NBEA: variants seen among roughly 807,000 people sequenced by gnomAD.
NBEA encodes lysosomal-trafficking regulator 2.
Under a neutral mutation model 343.4 loss-of-function variants are expected in NBEA, and 44 were observed. The ratio of observed to expected loss-of-function variants is 0.13; its 90% CI spans 0.10 to 0.16. The LOEUF (loss-of-function observed/expected upper bound fraction) is 0.16. Among genes scored for constraint, NBEA ranks in the 10% least tolerant of loss-of-function variants. NBEA has a pLI of 1.00. For synonymous variants in NBEA, 1,175 were observed against 1,238.7 expected (o/e 0.95, Z 1.08); for missense variants, 2,555 against 3,631.3 (o/e 0.70, Z 7.62).
intron 35 of NBEA, among the ~76,000 whole-genome samples, chr13:35,308,568 ATATATATGTATATATGTATATATG>A (rs6144999): frequency 5.7e-5 from 5 of 87,428 alleles, no homozygotes; most frequent in Admixed American, 1.4e-4. Context: ...GTATATATGT[ATATATATGTATATATGTATATATG>A]TATATATGTA....
intron 1 of NBEA, among the ~76,000 whole-genome samples, chr13:35,010,753 T>A (rs374659956): frequency 0.41 from 13,159 of 32,446 alleles, 2,603 homozygotes; most frequent in South Asian, 0.47. Context: ...TATATATATA[T>A]ATATATATAT....
chr13:35,349,551 A>C (rs967038115), intron 37 of NBEA, among the ~76,000 whole-genome samples: 2 of 152,164 alleles, frequency 1.3e-5, no homozygotes, highest in Non-Finnish European at 2.9e-5. Context: ...CAATAGGTAG[A>C]TATGAGTATA....
chr13:35,048,807 G>C, intron 5 of NBEA, 123 bp downstream of exon 5: 1 of 519,618 alleles, frequency 1.9e-6, no homozygotes, highest in Non-Finnish European at 3.3e-6. Context: ...TGCTAGAACT[G>C]TGAAGACACT....
At chr13:35,449,152 TAAGCCATGCTA>T (rs2152943210) in intron 39 of NBEA, among the ~76,000 whole-genome samples, 1 of 152,364 alleles carries the variant, frequency 6.6e-6, no homozygotes, top group African/African-American at 2.4e-5. Context: ...AAGGCCTTGG[TAAGCCATGCTA>T]AGAAGTTTGG....
intron 30 of NBEA, chr13:35,186,777 A>G (rs1032467758): frequency 9.9e-5 from 15 of 152,112 alleles, no homozygotes; most frequent in African/African-American, 3.6e-4. Flanking sequence ...TTTTTTGTTT[A>G]GTTATGTTGT....
chr13:35,232,378 C>G, intron 33 of NBEA, 114 bp from the exon 34 acceptor site: 1 of 714,788 alleles, frequency 1.4e-6, no homozygotes, highest in Non-Finnish European at 2.2e-6. Context: ...TGTTATTATT[C>G]CATGGGCTAG....
chr13:35,360,228 T>C (rs1192521088), intron 38 of NBEA, among the ~76,000 whole-genome samples: 1 of 151,982 alleles, frequency 6.6e-6, no homozygotes, highest in African/African-American at 2.4e-5. Context: ...AACTGTGTAA[T>C]TAAGAAGAAG....
chr13:35,377,106 T>C lies in NBEA; in HGVS notation c.6179+24783T>C, dbSNP rs146324065. Among the ~76,000 whole-genome samples, 5 of 152,240 alleles carry C rather than the reference T, an allele frequency of 3.3e-5. No individual in the cohort carries two copies. In the East Asian group the frequency reaches 7.7e-4, roughly 23 times the overall value. ...TGCAATATTTTATTTGATGATAGGTTGGTTAGTTTTAAAATTTTGACCAAA... is the reference window on the plus strand; with the variant it reads ...TGCAATATTTTATTTGATGATAGGTCGGTTAGTTTTAAAATTTTGACCAAA... On this transcript the variant is annotated intron_variant, in intron 38 of 58. Transcript: ENST00000379939.
At chr13:34,988,198 G>A (rs1399289499) in intron 1 of NBEA, among the ~76,000 whole-genome samples, 2 of 151,030 alleles carry the variant, frequency 1.3e-5, no homozygotes, top group Non-Finnish European at 3.0e-5. Flanking sequence ...CCTGTTTGAG[G>A]TGTCAGTCGG....
intron 35 of NBEA, among the ~76,000 whole-genome samples, chr13:35,304,540 G>T (rs1347540327): frequency 6.6e-6 from 1 of 152,066 alleles, no homozygotes; most frequent in East Asian, 1.9e-4. Context: ...GACAAAAGCA[G>T]TTCTTGAAGG....
chr13:35,277,326 T>TA (rs2034659752), intron 34 of NBEA, among the ~76,000 whole-genome samples: 1 of 151,924 alleles, frequency 6.6e-6, no homozygotes, highest in African/African-American at 2.4e-5. Context: ...CATGACTTAT[T>TA]AAAAATCACA....
intron 41 of NBEA, among the ~76,000 whole-genome samples, chr13:35,548,441 TATACA>T (rs1455111714): frequency 6.6e-6 from 1 of 152,192 alleles, no homozygotes; most frequent in Admixed American, 6.5e-5. Context: ...TCTGTGTGTG[TATACA>T]CATGTGAGAT....
intron 41 of NBEA, among the ~76,000 whole-genome samples, chr13:35,486,741 A>G (rs980688725): frequency 6.6e-6 from 1 of 152,060 alleles, no homozygotes; most frequent in African/African-American, 2.4e-5. Context: ...TTTTAAAGAT[A>G]GGTTCTTTAT....
chr13:34,975,090 G>A (rs1263992760), intron 1 of NBEA, among the ~76,000 whole-genome samples: 2 of 152,118 alleles, frequency 1.3e-5, no homozygotes, highest in Non-Finnish European at 2.9e-5. Flanking sequence ...AGGTCAAGCA[G>A]GTAGAAATGG....
chr13:34,949,615 A>G (rs546437912), intron 1 of NBEA, among the ~76,000 whole-genome samples: 1 of 152,314 alleles, frequency 6.6e-6, no homozygotes, highest in South Asian at 2.1e-4. Flanking sequence ...TACTCTGACC[A>G]ATGATATATG....
intron 27 of NBEA, among the ~76,000 whole-genome samples, chr13:35,176,223 A>G (rs765482659): frequency 3.9e-5 from 6 of 152,100 alleles, no homozygotes; most frequent in Non-Finnish European, 5.9e-5. Flanking sequence ...GGGCTAGAAT[A>G]TCATGATTGA....
In NBEA at chr13:35,609,835, C is replaced by CA. The variant is rs2082428473; in HGVS notation, c.7449+3258dup. On this transcript the variant is annotated intron_variant, in intron 48 of 58. Transcript: ENST00000379939. The stretch of plus-strand genomic sequence containing the variant: ...CTTCTCCAGATAGAGAAAGCCTGCG[C>CA]AGAATGCTGTTTGGAAATAGGAACA... 2.0e-5 allele frequency among the ~76,000 whole-genome samples: 3 copies of CA among 152,032 alleles called. No individual in the cohort carries two copies. In the South Asian group the frequency reaches 6.2e-4, roughly 32 times the overall value.
chr13:35,117,042 A>G (rs1224318095), intron 13 of NBEA, among the ~76,000 whole-genome samples: 1 of 151,978 alleles, frequency 6.6e-6, no homozygotes, highest in Admixed American at 6.6e-5. Context: ...GAGTCCTTAA[A>G]TGAAGACAAG....
intron 44 of NBEA, among the ~76,000 whole-genome samples, chr13:35,556,566 C>CT (rs1270982649): frequency 1.3e-5 from 2 of 151,794 alleles, no homozygotes; most frequent in African/African-American, 2.4e-5. Flanking sequence ...TTTACGAATG[C>CT]TTTTTTGCTC....
Sources: allele counts gnomAD v4.1 joint callset (sites outside exome capture counted in the v4.1 genomes callset), GRCh38; gene constraint gnomAD v4.1.1; transcripts MANE v1.5; gene names NCBI Gene and HGNC (gene_info 2026-07-23, HGNC 2026-07-21).